Variants in ANKS3 observed in about 807,000 individuals in gnomAD.
ANKS3 encodes the protein ankyrin repeat and sterile alpha motif domain containing 3.
A neutral mutation model predicts 80.7 loss-of-function variants in ANKS3; 62 were observed. The ratio of observed to expected loss-of-function variants is 0.77; its 90% CI spans 0.63 to 0.95. The LOEUF is 0.95. ANKS3 is among the 40% of genes least tolerant of loss of function. The pLI is 0.00. For synonymous variants in ANKS3, 489 were observed against 355.3 expected (o/e 1.38, Z -4.23); for missense variants, 1,150 against 883.6 (o/e 1.30, Z -3.82).
intron 1 of ANKS3, 134 bp downstream of exon 1, chr16:4,733,804 T>C (rs1311202535): frequency 6.6e-6 from 3 of 457,998 alleles, no homozygotes; most frequent in Non-Finnish European, 8.6e-6. Flanking sequence ...AATGTGATGC[T>C]GGTGGTAACT....
rs892942020 is a variant in ANKS3 at position 4,696,747 on chromosome 16, C to G, written c.*161G>C. The G allele has an allele frequency of 3.8e-6, 2 of 532,010 alleles. No homozygotes were observed. The highest frequency in any genetic ancestry group is 6.5e-5 in the East Asian group (2 of 30,716). 33.0% of individuals were successfully genotyped at this position (532,010 alleles called of 1,614,324 possible). ...CGAGCTGCCGAGCCAGGGCCGCAGC[C>G]CCCGTCTTGCCTCTGTCTGCCGGCT... On this transcript the variant is annotated 3_prime_UTR_variant, in exon 18 of 18. Coordinates refer to ENST00000304283, the MANE Select transcript of ANKS3 (RefSeq NM_133450.4).
chr16:4,701,186 T>C (rs1188850678), intron 10 of ANKS3, 52 bp from the exon 11 acceptor site: 1 of 1,607,334 alleles, frequency 6.2e-7, no homozygotes, highest in South Asian at 1.1e-5. Context: ...CTTGAGAGCC[T>C]TGGTGAAACC....
In ANKS3 at chr16:4,701,512, G is replaced by A. The variant is rs373861926; in HGVS notation, c.1041C>T (p.Pro347=). Residue 347 remains proline, a synonymous_variant, in exon 10 of 18, where the codon CCC becomes CCT. Transcript: ENST00000304283. ...CCTCGCTGCTGCTGCTGCTCTGGAC[G>A]GGCCCCAGGTTGGCACAGAAAGCAT... The part of the protein sequence containing the change: ...EEHAFCANLG[P]VQSSSSSEGL... The A allele has an allele frequency of 9.3e-6, 15 of 1,611,278 alleles. No individual in the cohort carries two copies. Among genetic ancestry groups the A allele is most frequent in the African/African-American group, 2.7e-5 (2 of 74,846 alleles).
chr16:4,710,514 G>C (rs1567358949), intron 7 of ANKS3, among the ~76,000 whole-genome samples: 2 of 152,154 alleles, frequency 1.3e-5, no homozygotes, highest in Non-Finnish European at 2.9e-5. Context: ...CTTGAGACCA[G>C]CCTGGTCAAC....
In ANKS3 at chr16:4,698,444, G is replaced by T; in HGVS notation, c.1707C>A (p.Leu569=). Residue 569 remains leucine (L), a synonymous_variant, in exon 14 of 18, where the codon CTC becomes CTA. Coordinates refer to ENST00000304283, the MANE Select transcript of ANKS3 (RefSeq NM_133450.4). ...ETWALARDAA[L]VLDQLRACQA... is the part of the protein sequence containing the mutation. ...CCACTCACCGCAGCTGGTCCAGGAC[G>T]AGGGCAGCATCCCGGGCCAGGGCCC... 1.3e-6 allele frequency: 2 copies of T among 1,534,836 alleles called. No individual in the cohort carries two copies. The highest frequency in any genetic ancestry group is 1.7e-6 in the Non-Finnish European group (2 of 1,147,108).
At chr16:4,699,384 G>A (rs531147473) in intron 11 of ANKS3, 18 of 628,402 alleles carry the variant, frequency 2.9e-5, no homozygotes, top group Middle Eastern at 4.4e-4. Context: ...GGTCGGCCAC[G>A]TGGGGACAAT....
At chr16:4,723,189 C>T (rs1244195313) in intron 6 of ANKS3, among the ~76,000 whole-genome samples, 1 of 152,188 alleles carries the variant, frequency 6.6e-6, no homozygotes, top group Non-Finnish European at 1.5e-5. Flanking sequence ...ACCAACAAGT[C>T]ACCCACTTAC....
intron 7 of ANKS3, among the ~76,000 whole-genome samples, chr16:4,710,738 A>G (rs1333449333): frequency 1.3e-5 from 2 of 152,216 alleles, no homozygotes; most frequent in Non-Finnish European, 2.9e-5. Flanking sequence ...TTCCATGCCA[A>G]AAAAAGATAA....
At chr16:4,730,869 A>C (rs974627832) in intron 2 of ANKS3, among the ~76,000 whole-genome samples, 5 of 152,122 alleles carry the variant, frequency 3.3e-5, no homozygotes, top group African/African-American at 9.7e-5. Context: ...AAAACAAAAA[A>C]AAAAAACAAC....
chr16:4,717,393 G>C (rs1220619415), intron 6 of ANKS3: 1 of 152,002 alleles, frequency 6.6e-6, no homozygotes, highest in Non-Finnish European at 1.5e-5. Flanking sequence ...TTTGAGACCA[G>C]CCTGTATCTA....
chr16:4,726,946 A>C, intron 4 of ANKS3, 33 bp downstream of exon 4: 1 of 1,613,106 alleles, frequency 6.2e-7, no homozygotes, highest in Non-Finnish European at 8.5e-7. Flanking sequence ...GGAGCCCCTC[A>C]GGTTTCTGGG....
rs998579943 is a variant in ANKS3 at position 4,722,458 on chromosome 16, C to T, written c.573+2292G>A. On this transcript the variant is annotated intron_variant, in intron 6 of 17. Coordinates refer to ENST00000304283, the MANE Select transcript of ANKS3 (RefSeq NM_133450.4). ...AGCCGGGATTTTTTGTATTTTTAGT[C>T]CCAGCTACTCGGGAGGCTGAGGCAG... Among the ~76,000 whole-genome samples, 25 of 151,822 alleles carry T rather than the reference C, an allele frequency of 1.6e-4. No individual in the cohort carries two copies. In the East Asian group the frequency reaches 1.7e-3, roughly 11 times the overall value.
At position 4,709,138 on chromosome 16, in the gene ANKS3, G is replaced by A. The variant is rs141439516; in HGVS notation, c.710-3885C>T. On this transcript the variant is annotated intron_variant, in intron 7 of 17. Coordinates refer to ENST00000304283, the MANE Select transcript of ANKS3 (RefSeq NM_133450.4). ...AGAAGAAATTTTTGCCGGGTGCAGC[G>A]GTTCATGCCTGTAATCCCAGCACTT... is the stretch of plus-strand genomic sequence containing the variant. 1.8e-4 allele frequency among the ~76,000 whole-genome samples: 27 copies of A among 151,866 alleles called. No homozygotes were observed. The East Asian group carries it at 4.3e-3, about 24-fold the overall frequency.
At chr16:4,699,508 A>C in intron 11 of ANKS3, 1 of 304,688 alleles carries the variant, frequency 3.3e-6, no homozygotes, top group Non-Finnish European at 6.3e-6. Context: ...GCTGCCCTCT[A>C]ATTCTAGAGT....
At chr16:4,722,267 A>G (rs967465067) in intron 6 of ANKS3, among the ~76,000 whole-genome samples, 2 of 151,442 alleles carry the variant, frequency 1.3e-5, no homozygotes, top group Non-Finnish European at 3.0e-5. Context: ...GGCAATAAAC[A>G]TAGACAGCTC....
chr16:4,723,444 G>A (rs2081203056), intron 6 of ANKS3, among the ~76,000 whole-genome samples: 1 of 152,040 alleles, frequency 6.6e-6, no homozygotes, highest in Non-Finnish European at 1.5e-5. Flanking sequence ...TTCTTTTTGA[G>A]GCAGGATCCA....
intron 2 of ANKS3, among the ~76,000 whole-genome samples, chr16:4,731,270 T>C (rs1042329589): frequency 2.6e-5 from 4 of 152,274 alleles, no homozygotes; most frequent in Non-Finnish European, 1.5e-5. Flanking sequence ...AAAATGAATT[T>C]TACTGTATGT....
At chr16:4,698,367 CCCAGGGG>C in intron 14 of ANKS3, 53 bp downstream of exon 14, 1 of 1,434,410 alleles carries the variant, frequency 7.0e-7, no homozygotes, top group South Asian at 1.5e-5. Context: ...TGTGTGGGGG[CCCAGGGG>C]CCAGGTGGCT....
intron 3 of ANKS3, among the ~76,000 whole-genome samples, chr16:4,729,040 T>C (rs1845058268): frequency 6.6e-6 from 1 of 152,024 alleles, no homozygotes; most frequent in African/African-American, 2.4e-5. Flanking sequence ...CAATATCAAA[T>C]GAGAACCAGG....
Sources: gnomAD v4.1 joint callset for allele counts (sites outside exome capture counted in the v4.1 genomes callset) on GRCh38, gnomAD v4.1.1 for gene constraint, MANE v1.5 for transcripts, NCBI Gene and HGNC (gene_info 2026-07-23, HGNC 2026-07-21) for gene names.